Variants in WDR20 observed in about 807,000 individuals in gnomAD.
WDR20 encodes WD repeat-containing protein 20.
Under a neutral mutation model 38.7 loss-of-function variants are expected in WDR20, and 3 were observed. That is an observed-to-expected ratio of 0.08 (90% confidence interval 0.04 to 0.20). The LOEUF is 0.20. Among genes scored for constraint, WDR20 ranks in the 10% least tolerant of loss-of-function variants. WDR20 has a pLI of 1.00. For synonymous variants in WDR20, 298 were observed against 285.6 expected, an observed-to-expected ratio of 1.04 and a Z score of -0.44; for missense variants, 559 against 727.7, an observed-to-expected ratio of 0.77 and a Z score of 2.67.
At chr14:102,196,442 C>T (rs1427587989) in intron 2 of WDR20, among the ~76,000 whole-genome samples, 2 of 151,962 alleles carry the variant, frequency 1.3e-5, no homozygotes, top group African/African-American at 2.4e-5. Flanking sequence ...TGGGGAGCAG[C>T]GCACAAAATT....
rs1190436354 is a variant in WDR20 at position 102,221,314 on chromosome 14, C to T, written c.1693-1516C>T. ...GGGGGAAGGGAGGTGCCTCCTGGTT[C>T]TGGAGATTTGTCACTTCCTGGACAC... On this transcript the variant is annotated intron_variant, in intron 3 of 3. Coordinates refer to the WDR20 transcript ENST00000335263. This position sits in a 1 kb window ranked among gnomAD's most constrained non-coding sequence, Gnocchi z 4.8. 6.6e-6 allele frequency among the ~76,000 whole-genome samples: 1 copy of T among 152,208 alleles called. No homozygotes were observed. Among genetic ancestry groups the T allele is most frequent in the Non-Finnish European group, 1.5e-5 (1 of 68,044 alleles).
At chr14:102,141,312 T>C (rs1160176669) in intron 1 of WDR20, among the ~76,000 whole-genome samples, 2 of 152,186 alleles carry the variant, frequency 1.3e-5, no homozygotes, top group Non-Finnish European at 2.9e-5. Context: ...TATAGCCAGA[T>C]CCAGTACAGG....
chr14:102,192,956 C>T (rs1049174265), intron 1 of WDR20, among the ~76,000 whole-genome samples: 3 of 151,410 alleles, frequency 2.0e-5, no homozygotes, highest in Non-Finnish European at 4.4e-5. Context: ...TACAGGCATG[C>T]ACCACCACAC....
At chr14:102,155,001 A>T (rs911536871) in intron 1 of WDR20, among the ~76,000 whole-genome samples, 1 of 152,122 alleles carries the variant, frequency 6.6e-6, no homozygotes, top group Non-Finnish European at 1.5e-5. Context: ...CCCTGCATTA[A>T]CCTGAAGCTG....
intron 1 of WDR20, among the ~76,000 whole-genome samples, chr14:102,147,762 ACT>A (rs2054179740): frequency 1.3e-5 from 2 of 152,070 alleles, no homozygotes; most frequent in Non-Finnish European, 2.9e-5. Flanking sequence ...ACAGAGTCTC[ACT>A]CTATTCCCCA....
At chr14:102,218,782 T>C (rs1317461234), downstream of WDR20, among the ~76,000 whole-genome samples, 2 of 152,196 alleles carry the variant, frequency 1.3e-5, no homozygotes. Flanking sequence ...TGGGACGCCG[T>C]GCAGATTCTG....
chr14:102,211,685 C>G (rs1038608633), downstream of WDR20, among the ~76,000 whole-genome samples: 1 of 152,204 alleles, frequency 6.6e-6, no homozygotes, highest in East Asian at 1.9e-4. This position sits in a 1 kb window ranked among gnomAD's most constrained non-coding sequence, Gnocchi z 4.2. Context: ...TCCTTGTGGA[C>G]AGTTTCCGCT....
chr14:102,139,683 A>G, upstream of WDR20: 1 of 666,374 alleles, frequency 1.5e-6, no homozygotes, highest in East Asian at 2.7e-5. Context: ...CGGAGGCCAC[A>G]CCCGGGGGAG....
intron 1 of WDR20, among the ~76,000 whole-genome samples, chr14:102,156,587 C>T (rs1348959023): frequency 6.6e-6 from 1 of 151,832 alleles, no homozygotes; most frequent in Non-Finnish European, 1.5e-5. Flanking sequence ...GGTCTCACTG[C>T]AGCCTTGACT....
intron 1 of WDR20, among the ~76,000 whole-genome samples, chr14:102,170,071 A>G (rs1453749928): frequency 2.0e-5 from 3 of 152,222 alleles, no homozygotes; most frequent in African/African-American, 2.4e-5. Context: ...AATTACAGAT[A>G]TAGTTTTCCT....
chr14:102,157,810 G>A (rs2057763556), intron 1 of WDR20, among the ~76,000 whole-genome samples: 1 of 152,090 alleles, frequency 6.6e-6, no homozygotes, highest in Admixed American at 6.6e-5. Context: ...GGCTTGGGGA[G>A]GGTAGGATTA....
chr14:102,197,686 A>C (rs2059635963), intron 2 of WDR20: 1 of 639,648 alleles, frequency 1.6e-6, no homozygotes, highest in African/African-American at 1.8e-5. Flanking sequence ...TGGAACTGAC[A>C]CTGGAAGATG....
intron 2 of WDR20, among the ~76,000 whole-genome samples, chr14:102,204,527 A>G (rs1567043732): frequency 6.6e-6 from 1 of 152,146 alleles, no homozygotes; most frequent in African/African-American, 2.4e-5. Flanking sequence ...GTTTTAATTT[A>G]TATTGTATCA....
chr14:102,178,501 A>C (rs1321811761), intron 1 of WDR20, among the ~76,000 whole-genome samples: 1 of 151,854 alleles, frequency 6.6e-6, no homozygotes, highest in Admixed American at 6.6e-5. Flanking sequence ...CCCTTACACC[A>C]GTGGTTCTCT....
At chr14:102,139,676 A>G, upstream of WDR20, 2 of 656,404 alleles carry the variant, frequency 3.0e-6, no homozygotes, top group East Asian at 2.7e-5. Flanking sequence ...TGCCGCCCGG[A>G]GGCCACACCC....
At chr14:102,164,540 T>C (rs899539641) in intron 1 of WDR20, among the ~76,000 whole-genome samples, 3 of 152,230 alleles carry the variant, frequency 2.0e-5, no homozygotes, top group Non-Finnish European at 4.4e-5. Flanking sequence ...TGCTTCTCAC[T>C]GCTCTAATTT....
downstream of WDR20, among the ~76,000 whole-genome samples, chr14:102,217,358 G>T (rs1438645595): frequency 6.6e-6 from 1 of 152,214 alleles, no homozygotes; most frequent in African/African-American, 2.4e-5. Flanking sequence ...GGAGCCCTTA[G>T]ATGGTCGTGC....
Position 102,196,886 on chromosome 14 carries a change from T to C in WDR20, c.432+1766T>C, listed in dbSNP as rs115508709. On this transcript the variant is annotated intron_variant, in intron 2 of 2. Transcript: ENST00000342702. ...ACTGTGTGTGGTTTAATGCCAGCTT[T>C]GCATTTACAGCTTGAGGCTGAAATC... 4.6e-3 allele frequency among the ~76,000 whole-genome samples: 695 copies of C among 152,378 alleles called. 6 individuals carry two copies. Among genetic ancestry groups the C allele is most frequent in the African/African-American group, 0.015 (644 of 41,588 alleles).
At chr14:102,197,886 TTTCA>T (rs1334130962) in intron 2 of WDR20, 11 of 691,390 alleles carry the variant, frequency 1.6e-5, no homozygotes, top group Non-Finnish European at 2.6e-5. Context: ...GCGGCCATTG[TTTCA>T]TTCATTCAGG....
Sources: allele counts gnomAD v4.1 joint callset (sites outside exome capture counted in the v4.1 genomes callset), GRCh38; gene constraint gnomAD v4.1.1; non-coding constraint Gnocchi (gnomAD v3.1); transcripts MANE v1.5; gene names NCBI Gene and HGNC (gene_info 2026-07-23, HGNC 2026-07-21).